PRKCE: variants seen among roughly 807,000 people sequenced by gnomAD.
PRKCE encodes protein kinase C epsilon type.
A neutral mutation model predicts 85.4 loss-of-function variants in PRKCE; 16 were observed. That is an observed-to-expected ratio of 0.19 (90% CI 0.13 to 0.28). The LOEUF is 0.28. Ranked by LOEUF, PRKCE falls within the 10% of genes least tolerant of loss-of-function variation. PRKCE has a pLI of 1.00. For synonymous variants in PRKCE, 388 were observed against 371.5 expected, an observed-to-expected ratio of 1.04 and a Z score of -0.51; for missense variants, 573 against 975.2, an observed-to-expected ratio of 0.59 and a Z score of 5.49.
At chr2:45,806,952 G>A (rs566743713) in intron 1 of PRKCE, among the ~76,000 whole-genome samples, 2 of 152,240 alleles carry the variant, frequency 1.3e-5, no homozygotes, top group Non-Finnish European at 2.9e-5. Flanking sequence ...TTTGCCTAGA[G>A]AGCCACTGTG....
intron 10 of PRKCE, among the ~76,000 whole-genome samples, chr2:46,038,128 C>A (rs1707988818): frequency 6.6e-6 from 1 of 152,066 alleles, no homozygotes; most frequent in Non-Finnish European, 1.5e-5. Flanking sequence ...GCTGGGGGCC[C>A]TTCCTCTATA....
chr2:46,184,397 AG>A lies in PRKCE; in HGVS notation c.2068-335del, dbSNP rs1318710206. Among the ~76,000 whole-genome samples the A allele has an allele frequency of 2.0e-5, 3 of 151,078 alleles. No individual in the cohort carries two copies. Among genetic ancestry groups the A allele is most frequent in the Non-Finnish European group, 2.9e-5 (2 of 67,854 alleles). ...AGTAGGTTACAGCAGTTGCTGAAAGAGGGTGTGAGATGGGACCTTTGCATCA... is the reference window on the plus strand; with the variant it reads ...AGTAGGTTACAGCAGTTGCTGAAAGAGGTGTGAGATGGGACCTTTGCATCA... On this transcript the variant is annotated intron_variant, in intron 14 of 14. Transcript: ENST00000306156. The surrounding 1 kb of genome is among the most constrained non-coding windows in gnomAD (Gnocchi z 5.0).
rs1221053915 is a variant in PRKCE at position 45,933,549 on chromosome 2, C to T, written c.413-42880C>T. Among the ~76,000 whole-genome samples the T allele has an allele frequency of 3.4e-5, 5 of 146,256 alleles. No individual in the cohort carries two copies. The Admixed American group carries it at 3.5e-4, about 10-fold the overall frequency. Reference sequence around the variant, plus strand: ...AGTGCAGTGGCGCGATCTCGGCTCACTGCAAGCTCCACCTCCCGGGTTCAC... The same window carrying T: ...AGTGCAGTGGCGCGATCTCGGCTCATTGCAAGCTCCACCTCCCGGGTTCAC... On this transcript the variant is annotated intron_variant, in intron 2 of 14. Coordinates refer to ENST00000306156, the MANE Select transcript of PRKCE (RefSeq NM_005400.3).
intron 11 of PRKCE, among the ~76,000 whole-genome samples, chr2:46,098,940 A>G (rs1014340454): frequency 5.3e-5 from 8 of 152,066 alleles, no homozygotes; most frequent in African/African-American, 1.9e-4. Flanking sequence ...GGTGAGGAGG[A>G]GAGTGGTAGG....
At chr2:45,843,227 A>G (rs1294191787) in intron 2 of PRKCE, among the ~76,000 whole-genome samples, 164 bp downstream of exon 2, 1 of 152,176 alleles carries the variant, frequency 6.6e-6, no homozygotes, top group East Asian at 1.9e-4. Flanking sequence ...TGTGTACCAA[A>G]AGGGACCAGC....
At chr2:46,129,686 C>T (rs986531021) in intron 11 of PRKCE, among the ~76,000 whole-genome samples, 4 of 152,202 alleles carry the variant, frequency 2.6e-5, no homozygotes, top group South Asian at 2.1e-4. Flanking sequence ...CAGGCAGCCT[C>T]GTGTTCATGC....
intron 1 of PRKCE, among the ~76,000 whole-genome samples, chr2:45,687,802 G>A (rs918419230): frequency 1.3e-5 from 2 of 152,192 alleles, no homozygotes; most frequent in Admixed American, 6.5e-5. Flanking sequence ...TCAGAAAAAG[G>A]GAGAGTCCTA....
At chr2:46,021,711 A>G (rs969762903) in intron 10 of PRKCE, among the ~76,000 whole-genome samples, 2 of 152,234 alleles carry the variant, frequency 1.3e-5, no homozygotes, top group Non-Finnish European at 2.9e-5. Flanking sequence ...CTTGAAATCT[A>G]AAACTAGAGG....
At chr2:46,128,570 G>A (rs372661108) in intron 11 of PRKCE, among the ~76,000 whole-genome samples, 13 of 152,200 alleles carry the variant, frequency 8.5e-5, no homozygotes, top group East Asian at 3.9e-4. Flanking sequence ...GAGACGTCAC[G>A]TTCTCCTGCT....
intron 10 of PRKCE, among the ~76,000 whole-genome samples, chr2:46,019,620 T>A (rs550415484): frequency 2.0e-5 from 3 of 152,310 alleles, no homozygotes; most frequent in Admixed American, 2.0e-4. Context: ...TAGCCAGAAG[T>A]ATACTTAGGA....
At chr2:45,763,233 C>T (rs568365461) in intron 1 of PRKCE, among the ~76,000 whole-genome samples, 6 of 152,258 alleles carry the variant, frequency 3.9e-5, no homozygotes, top group South Asian at 4.1e-4. Flanking sequence ...GGATTACAGG[C>T]GTGAGCCACT....
At chr2:45,798,376 C>G (rs1194964629) in intron 1 of PRKCE, among the ~76,000 whole-genome samples, 1 of 152,204 alleles carries the variant, frequency 6.6e-6, no homozygotes, top group Non-Finnish European at 1.5e-5. Flanking sequence ...GAAGCCCAAG[C>G]TCTCCCCACC....
At chr2:46,152,151 A>G (rs1452014361) in intron 13 of PRKCE, among the ~76,000 whole-genome samples, 4 of 151,672 alleles carry the variant, frequency 2.6e-5, no homozygotes, top group African/African-American at 4.8e-5. Flanking sequence ...TCAACTTCCA[A>G]TATTTACCTG....
chr2:45,942,794 A>C (rs555762680), intron 2 of PRKCE, among the ~76,000 whole-genome samples: 1 of 152,362 alleles, frequency 6.6e-6, no homozygotes, highest in East Asian at 1.9e-4. Context: ...TGTTTATTAT[A>C]GTACACATGT....
At chr2:45,918,770 A>G (rs1698023201) in intron 2 of PRKCE, among the ~76,000 whole-genome samples, 1 of 151,654 alleles carries the variant, frequency 6.6e-6, no homozygotes, top group Admixed American at 6.6e-5. Context: ...GAGGTTGGCG[A>G]GGGGGGGAAT....
At chr2:45,991,467 A>G (rs1412648075) in intron 6 of PRKCE, among the ~76,000 whole-genome samples, 1 of 152,178 alleles carries the variant, frequency 6.6e-6, no homozygotes, top group Non-Finnish European at 1.5e-5. Flanking sequence ...GTGCATAGTT[A>G]TATAATTTGC....
At chr2:45,984,144 G>C (rs1033036522) in intron 5 of PRKCE, among the ~76,000 whole-genome samples, 8 of 151,940 alleles carry the variant, frequency 5.3e-5, no homozygotes, top group Non-Finnish European at 1.2e-4. Flanking sequence ...CACCATGTTG[G>C]CCAGGCTGGT....
At chr2:45,873,009 A>G (rs1427128828) in intron 2 of PRKCE, among the ~76,000 whole-genome samples, 2 of 152,228 alleles carry the variant, frequency 1.3e-5, no homozygotes, top group South Asian at 2.1e-4. Context: ...AGTCAACCAC[A>G]TGGAAACAAA....
At chr2:46,115,825 G>A (rs769865926) in intron 11 of PRKCE, among the ~76,000 whole-genome samples, 2 of 152,156 alleles carry the variant, frequency 1.3e-5, no homozygotes, top group South Asian at 2.1e-4. Flanking sequence ...CGGGGAACTC[G>A]GCTGAGAGAG....
Sources: gnomAD v4.1 joint callset for allele counts (sites outside exome capture counted in the v4.1 genomes callset) on GRCh38, gnomAD v4.1.1 for gene constraint, Gnocchi (gnomAD v3.1) non-coding constraint, MANE v1.5 for transcripts, NCBI Gene and HGNC (gene_info 2026-07-23, HGNC 2026-07-21) for gene names.